The following ADAD1 variants were observed in gnomAD, a reference collection of about 807,000 sequenced individuals.
ADAD1 encodes adenosine deaminase domain-containing protein 1.
ADAD1 carries 46 observed loss-of-function variants against 66.8 expected under a neutral mutation model. The ratio of observed to expected loss-of-function variants is 0.69; its 90% CI spans 0.54 to 0.88. The LOEUF is 0.88. Among genes scored for constraint, ADAD1 ranks in the 40% least tolerant of loss-of-function variants. The pLI is 0.00. For missense variants in ADAD1, 617 were observed against 681.8 expected (o/e 0.91, Z 1.06); for synonymous variants, 248 against 229.4 (o/e 1.08, Z -0.73).
chr4:122,381,755 A>G (rs1383047), intron 4 of ADAD1, among the ~76,000 whole-genome samples: 7 of 152,208 alleles, frequency 4.6e-5, no homozygotes, highest in African/African-American at 1.7e-4. Context: ...ATTATAGCCA[A>G]TGATTAGGAA....
chr4:122,393,779 C>A, intron 6 of ADAD1, 122 bp downstream of exon 6: 1 of 643,702 alleles, frequency 1.6e-6, no homozygotes, highest in Non-Finnish European at 2.3e-6. Context: ...CCAAACCTTT[C>A]ACACTTCTAC....
chr4:122,415,320 A>G lies in ADAD1; in HGVS notation c.1250-59A>G. On this transcript the variant is annotated intron_variant, in intron 10 of 12. Coordinates refer to ENST00000296513, the MANE Select transcript of ADAD1 (RefSeq NM_139243.4). ...TAGACGATTTCCAATCATTTCATTT[A>G]TTTTATTTTGGGATGTTCTTTTAAT... is the stretch of plus-strand genomic sequence containing the variant. 4 of 1,321,862 alleles carry G rather than the reference A, an allele frequency of 3.0e-6. No individual in the cohort carries two copies. In the South Asian group the frequency reaches 5.3e-5, roughly 18 times the overall value. The allele number at this position is 1,321,862 out of a possible 1,614,324, so 81.9% of individuals were successfully genotyped here. A position where few individuals can be genotyped will look rare whatever the true frequency, so the allele number is the denominator to read the frequency against.
At chr4:122,394,127 T>A (rs573856880) in intron 6 of ADAD1, among the ~76,000 whole-genome samples, 1 of 152,288 alleles carries the variant, frequency 6.6e-6, no homozygotes, top group South Asian at 2.1e-4. Flanking sequence ...TTTTTACTCA[T>A]CTATGAGATA....
intron 5 of ADAD1, among the ~76,000 whole-genome samples, chr4:122,388,883 T>G (rs1465086277): frequency 1.3e-5 from 2 of 152,152 alleles, no homozygotes; most frequent in African/African-American, 4.8e-5. Flanking sequence ...TCTGCTCTGA[T>G]CTTAGTTATT....
At chr4:122,407,074 G>T (rs1435936401) in intron 7 of ADAD1, among the ~76,000 whole-genome samples, 1 of 151,446 alleles carries the variant, frequency 6.6e-6, no homozygotes, top group Non-Finnish European at 1.5e-5. Flanking sequence ...TTATTAGGTT[G>T]GTGCCAAAAA....
At chr4:122,421,193 A>G in intron 11 of ADAD1, 68 bp from the exon 12 acceptor site, 2 of 1,254,340 alleles carry the variant, frequency 1.6e-6, no homozygotes, top group South Asian at 4.3e-5. Flanking sequence ...TATTGATTTT[A>G]ATCTATACAA....
chr4:122,394,507 A>G (rs1795603613), intron 6 of ADAD1, among the ~76,000 whole-genome samples: 1 of 152,216 alleles, frequency 6.6e-6, no homozygotes, highest in Admixed American at 6.5e-5. Flanking sequence ...TTGTCTTTCT[A>G]AGACAGGAAA....
chr4:122,415,382 A>AT lies in ADAD1; in HGVS notation c.1254dup (p.Gly419TrpfsTer5). 6.2e-7 allele frequency: 1 copy of AT among 1,607,680 alleles called. No homozygotes were observed. Among genetic ancestry groups the AT allele is most frequent in the Non-Finnish European group, 8.5e-7 (1 of 1,177,030 alleles). The stretch of plus-strand genomic sequence containing the variant: ...GTGTTTTGTTTTTGCTTTCTAGGTG[A>AT]TGGGAATTGCAGTGATACCAGAGGC... On this transcript the variant is annotated frameshift_variant, in exon 11 of 13. Coordinates refer to ENST00000296513, the MANE Select transcript of ADAD1 (RefSeq NM_139243.4). LOFTEE classifies it high-confidence loss of function.
At chr4:122,390,713 A>G (rs962605286) in intron 5 of ADAD1, among the ~76,000 whole-genome samples, 4 of 152,084 alleles carry the variant, frequency 2.6e-5, no homozygotes, top group Admixed American at 1.3e-4. Context: ...CAGGTAGTTT[A>G]TGTTCCTCTC....
chr4:122,382,788 A>T (rs936286012), intron 4 of ADAD1, among the ~76,000 whole-genome samples: 2 of 152,352 alleles, frequency 1.3e-5, no homozygotes. Flanking sequence ...CTGATTTAGT[A>T]AACCTGGATT....
At chr4:122,428,433 C>T (rs1347194584) in intron 12 of ADAD1, among the ~76,000 whole-genome samples, 2 of 152,092 alleles carry the variant, frequency 1.3e-5, no homozygotes, top group African/African-American at 2.4e-5. Flanking sequence ...GCAATTCCAC[C>T]GGTATTTACA....
intron 4 of ADAD1, among the ~76,000 whole-genome samples, chr4:122,382,069 A>G (rs1794921478): frequency 6.6e-6 from 1 of 152,240 alleles, no homozygotes; most frequent in Non-Finnish European, 1.5e-5. Flanking sequence ...GTATCTTAAC[A>G]TAGATGGTGG....
chr4:122,381,734 G>T (rs1252253422), intron 4 of ADAD1, among the ~76,000 whole-genome samples: 1 of 152,222 alleles, frequency 6.6e-6, no homozygotes, highest in Non-Finnish European at 1.5e-5. Flanking sequence ...AGTAGTTTCT[G>T]ATCTCTTCAC....
At chr4:122,395,664 C>CA (rs57013887) in intron 6 of ADAD1, among the ~76,000 whole-genome samples, 28,587 of 137,044 alleles carry the variant, frequency 0.21, 3,078 homozygotes, top group Non-Finnish European at 0.25. Flanking sequence ...GACTCCATCT[C>CA]AAAAAAAAAA....
chr4:122,382,834 A>C (rs992656064), intron 4 of ADAD1, among the ~76,000 whole-genome samples: 1 of 152,190 alleles, frequency 6.6e-6, no homozygotes, highest in African/African-American at 2.4e-5. Flanking sequence ...GAACTTGGGA[A>C]ACTGAAGTCT....
At chr4:122,398,806 A>C (rs1051912631) in intron 7 of ADAD1, among the ~76,000 whole-genome samples, 3 of 148,616 alleles carry the variant, frequency 2.0e-5, no homozygotes, top group African/African-American at 7.4e-5. Context: ...TCCTTAGCCC[A>C]TTTTTTTGAT....
rs545264415 is a variant in ADAD1, at chr4:122,380,325, A to C, written c.172+84A>C. On this transcript the variant is annotated intron_variant, in intron 3 of 12. Transcript: ENST00000296513. ...TAAGTTCTGTCGAGTCTCTGGTTTA[A>C]AGGTTTCGTGGTTGTATAGACATTT... is the stretch of plus-strand genomic sequence containing the variant. 2.2e-5 allele frequency: 32 copies of C among 1,486,584 alleles called. No homozygotes were observed. The African/African-American group carries it at 4.1e-4, about 19-fold the overall frequency. The allele number at this position is 1,486,584 out of a possible 1,614,324, so 92.1% of individuals were successfully genotyped here.
rs1320128459 is a variant in ADAD1, at chr4:122,393,589, G to T, written c.530G>T (p.Gly177Val). The change falls in exon 6 of 13, where the codon GGT becomes GTT. Residue 177 changes from glycine (G) to valine (V), a missense_variant and splice_region_variant. Physicochemically the swap from Gly to Val is moderately radical, Grantham distance 109 (BLOSUM62 -3). Coordinates refer to ENST00000296513, the MANE Select transcript of ADAD1 (RefSeq NM_139243.4). ...EPEPRILETS[G>V]PPPFPAEPVV... ...CCTTATGTTTTTGTTTTGTTTACAG[G>T]TCCTCCTCCTTTCCCTGCAGAACCT... 2 of 1,593,000 alleles carry T rather than the reference G, an allele frequency of 1.3e-6. No homozygotes were observed. Among genetic ancestry groups the T allele is most frequent in the Admixed American group, 3.5e-5 (2 of 57,096 alleles).
At chr4:122,423,790 T>C (rs1198844007) in intron 12 of ADAD1, among the ~76,000 whole-genome samples, 1 of 152,174 alleles carries the variant, frequency 6.6e-6, no homozygotes, top group Non-Finnish European at 1.5e-5. Context: ...TTGATTTATA[T>C]GAAATGTCTA....
Sources: allele counts gnomAD v4.1 joint callset (sites outside exome capture counted in the v4.1 genomes callset), GRCh38; gene constraint gnomAD v4.1.1; transcripts MANE v1.5; gene names NCBI Gene and HGNC (gene_info 2026-07-23, HGNC 2026-07-21).